The following RGMB variants were observed in gnomAD, a reference collection of about 807,000 sequenced individuals.
The protein encoded by RGMB is repulsive guidance molecule B.
RGMB carries 16 observed loss-of-function variants against 26.9 expected under a neutral mutation model. The observed-to-expected ratio is 0.60, with a 90% CI of 0.40 to 0.90. The LOEUF is 0.90. Ranked by LOEUF, RGMB falls within the 40% of genes least tolerant of loss-of-function variation. The pLI is 0.00. For missense variants in RGMB, 512 were observed against 573.3 expected (o/e 0.89, Z 1.09); for synonymous variants, 225 against 229.3 (o/e 0.98, Z 0.17).
intron 2 of RGMB, 171 bp downstream of exon 2, chr5:98,780,259 T>G: frequency 1.7e-6 from 1 of 587,900 alleles, no homozygotes; most frequent in Non-Finnish European, 2.9e-6. Flanking sequence ...AAGGAATTTC[T>G]TATTGGAATG....
At chr5:98,777,834 G>T (rs1471452350) in intron 1 of RGMB, among the ~76,000 whole-genome samples, 1 of 151,994 alleles carries the variant, frequency 6.6e-6, no homozygotes, top group Non-Finnish European at 1.5e-5. Flanking sequence ...TTTTTTGAAA[G>T]TATGATTTGA....
At chr5:98,785,519 T>C (rs992183903) in intron 2 of RGMB, among the ~76,000 whole-genome samples, 6 of 151,948 alleles carry the variant, frequency 3.9e-5, no homozygotes, top group Non-Finnish European at 8.8e-5. Flanking sequence ...GCACAGTCTC[T>C]TTCCACCTCC....
intron 2 of RGMB, among the ~76,000 whole-genome samples, chr5:98,782,268 G>A (rs1245243081): frequency 6.6e-6 from 1 of 152,116 alleles, no homozygotes; most frequent in African/African-American, 2.4e-5. Flanking sequence ...GTGTGCTGGT[G>A]AAACCAAAGA....
At chr5:98,785,673 G>T (rs781459759) in intron 2 of RGMB, among the ~76,000 whole-genome samples, 3 of 152,134 alleles carry the variant, frequency 2.0e-5, no homozygotes, top group Non-Finnish European at 2.9e-5. Flanking sequence ...TGTCATAGTC[G>T]CCAGTTCTTA....
At chr5:98,789,577 A>G (rs1406278670) in intron 2 of RGMB, among the ~76,000 whole-genome samples, 1 of 152,162 alleles carries the variant, frequency 6.6e-6, no homozygotes, top group African/African-American at 2.4e-5. Flanking sequence ...TCATGTAGAA[A>G]GGTTGATTTG....
At chr5:98,785,004 A>G (rs749704757) in intron 2 of RGMB, among the ~76,000 whole-genome samples, 1 of 152,158 alleles carries the variant, frequency 6.6e-6, no homozygotes, top group Non-Finnish European at 1.5e-5. Context: ...TTACAATTAC[A>G]TTGTTGCATG....
At chr5:98,791,992 T>A (rs1164827569) in intron 2 of RGMB, among the ~76,000 whole-genome samples, 3 of 152,200 alleles carry the variant, frequency 2.0e-5, no homozygotes, top group Non-Finnish European at 4.4e-5. Flanking sequence ...GGGAAAAGAT[T>A]TCTGAGGAGT....
intron 2 of RGMB, among the ~76,000 whole-genome samples, chr5:98,789,787 A>G (rs899197093): frequency 2.0e-5 from 3 of 152,252 alleles, no homozygotes; most frequent in African/African-American, 7.2e-5. Flanking sequence ...ATGGTGTGGC[A>G]TAGAACAGAT....
chr5:98,780,272 A>G, intron 2 of RGMB, 184 bp downstream of exon 2: 1 of 571,762 alleles, frequency 1.7e-6, no homozygotes. Flanking sequence ...TTGGAATGTA[A>G]ACGTGGTTCT....
At chr5:98,777,660 G>A (rs1746460458) in intron 1 of RGMB, among the ~76,000 whole-genome samples, 2 of 152,000 alleles carry the variant, frequency 1.3e-5, no homozygotes, top group Non-Finnish European at 2.9e-5. Flanking sequence ...TTGTTTAGTT[G>A]GTTAATTTCT....
In RGMB at chr5:98,793,139, G is replaced by A. The variant is rs1291199630; in HGVS notation, c.700G>A (p.Ala234Thr). 6 of 1,613,940 alleles carry A rather than the reference G, an allele frequency of 3.7e-6. No homozygotes were observed. Among genetic ancestry groups the A allele is most frequent in the Non-Finnish European group, 5.1e-6 (6 of 1,179,848 alleles). ...GTGTACAGATCAGAAAGTCTACCAA[G>A]CTGTGACAGATGACCTGCCGGCCGC... ...HECTDQKVYQAVTDDLPAAFV... is the reference protein window; with the variant it reads ...HECTDQKVYQTVTDDLPAAFV... The change falls in exon 3 of 3, where the codon GCT becomes ACT. Residue 234 changes from alanine to threonine, a missense_variant. Transcript: ENST00000513185.
intron 2 of RGMB, among the ~76,000 whole-genome samples, chr5:98,785,842 G>A (rs565121416): frequency 8.5e-5 from 13 of 152,160 alleles, no homozygotes; most frequent in Non-Finnish European, 1.8e-4. Flanking sequence ...AGTTCCAGGT[G>A]GCAGTCTAAT....
chr5:98,781,196 G>T (rs1237291112), intron 2 of RGMB: 2 of 152,182 alleles, frequency 1.3e-5, no homozygotes, highest in Admixed American at 1.3e-4. Flanking sequence ...ATTTTGTGGA[G>T]GGAATTTTAC....
chr5:98,790,388 T>G (rs1580293480), intron 2 of RGMB, among the ~76,000 whole-genome samples: 1 of 152,214 alleles, frequency 6.6e-6, no homozygotes, highest in East Asian at 1.9e-4. Flanking sequence ...AGCAAATCAC[T>G]ACTAGTAAAT....
rs2112334701 is a variant in RGMB, at chr5:98,774,045, A to G, written c.-26A>G. ...GCGCCCGCGCCGCCGCCCTCGCCGG[A>G]GCCCACGAGACCTGCATGGACGGGC... On this transcript the variant is annotated 5_prime_UTR_variant, in exon 1 of 3. Coordinates refer to ENST00000513185, the MANE Select transcript of RGMB (RefSeq NM_001366508.1). 1.3e-6 allele frequency: 1 copy of G among 789,146 alleles called. No individual in the cohort carries two copies. The highest frequency in any genetic ancestry group is 1.6e-5 in the South Asian group (1 of 62,030). 48.9% of individuals were successfully genotyped at this position (789,146 alleles called of 1,614,324 possible).
rs746197844 is a variant in RGMB at position 98,779,710 on chromosome 5, T to A, written c.267T>A (p.Ala89=). 1.2e-6 allele frequency: 2 copies of A among 1,611,648 alleles called. No homozygotes were observed. The highest frequency in any genetic ancestry group is 1.7e-6 in the Non-Finnish European group (2 of 1,178,148). Residue 89 remains alanine, a synonymous_variant, in exon 2 of 3, where the codon GCT becomes GCA. Coordinates refer to ENST00000513185, the MANE Select transcript of RGMB (RefSeq NM_001366508.1). The part of the protein sequence containing the change: ...SEFCKALRAY[A]GCTQRTSKAC... ...TTTGCAAGGCCTTGCGTGCCTATGC[T>A]GGCTGCACCCAGCGAACTTCAAAAG... is the stretch of plus-strand genomic sequence containing the variant.
In RGMB at chr5:98,795,886, C is replaced by T. The variant is rs1005351055; in HGVS notation, c.*2133C>T. ...TATCATTAATAAATATACCTTTGCTCTTTTCAGGGAAAATAACAACCACCC... is the reference window on the plus strand; with the variant it reads ...TATCATTAATAAATATACCTTTGCTTTTTTCAGGGAAAATAACAACCACCC... On this transcript the variant is annotated 3_prime_UTR_variant, in exon 3 of 3. Coordinates refer to ENST00000513185, the MANE Select transcript of RGMB (RefSeq NM_001366508.1). The T allele has an allele frequency of 1.3e-5, 2 of 152,090 alleles. No individual in the cohort carries two copies. Among genetic ancestry groups the T allele is most frequent in the Admixed American group, 6.6e-5 (1 of 15,264 alleles). 9.4% of individuals were successfully genotyped at this position (152,090 alleles called of 1,614,324 possible).
Position 98,793,121 on chromosome 5 carries a change from G to C in RGMB, c.682G>C (p.Asp228His). 6.2e-7 allele frequency: 1 copy of C among 1,613,546 alleles called. No homozygotes were observed. Among genetic ancestry groups the C allele is most frequent in the Non-Finnish European group, 8.5e-7 (1 of 1,179,602 alleles). Residue 228 changes from aspartate to histidine, a missense_variant, in exon 3 of 3, where the codon GAT (aspartate) becomes CAT (histidine). Transcript: ENST00000513185. The part of the protein sequence containing the change: ...IIFKAHHECT[D>H]QKVYQAVTDD... ...CTTCAAAGCCCACCATGAGTGTACA[G>C]ATCAGAAAGTCTACCAAGCTGTGAC...
upstream of RGMB, chr5:98,771,133 G>C (rs1179416032): frequency 1.3e-5 from 2 of 154,560 alleles, no homozygotes; most frequent in African/African-American, 4.8e-5. Flanking sequence ...TCATGCCGTA[G>C]TATGCTTTGC....
Sources: allele counts gnomAD v4.1 joint callset (sites outside exome capture counted in the v4.1 genomes callset), GRCh38; gene constraint gnomAD v4.1.1; transcripts MANE v1.5; gene names NCBI Gene and HGNC (gene_info 2026-07-23, HGNC 2026-07-21).